The following NRG3 variants were observed in gnomAD, a reference collection of about 807,000 sequenced individuals.
The protein encoded by NRG3 is pro-neuregulin-3, membrane-bound isoform.
Under a neutral mutation model 66.9 loss-of-function variants are expected in NRG3, and 31 were observed. The ratio of observed to expected loss-of-function variants is 0.46; its 90% CI spans 0.35 to 0.63. The LOEUF (loss-of-function observed/expected upper bound fraction) is 0.63, where lower values mean the gene tolerates loss of function less well. Ranked by LOEUF, NRG3 falls within the 20% of genes least tolerant of loss-of-function variation. The probability of loss-of-function intolerance (pLI) is 0.00; values close to 1 mark genes in which losing one functional copy is unlikely to be tolerated. For missense variants in NRG3, 910 were observed against 878.9 expected (o/e 1.04, Z -0.45); for synonymous variants, 393 against 359.4 (o/e 1.09, Z -1.06).
At chr10:82,460,657 G>A (rs2091470504) in intron 2 of NRG3, among the ~76,000 whole-genome samples, 1 of 152,106 alleles carries the variant, frequency 6.6e-6, no homozygotes, top group South Asian at 2.1e-4. Context: ...CAGGGTTATG[G>A]CAGTGCAGGG....
chr10:82,070,812 A>G (rs2064765372), intron 1 of NRG3, among the ~76,000 whole-genome samples: 1 of 152,204 alleles, frequency 6.6e-6, no homozygotes, highest in Non-Finnish European at 1.5e-5. Context: ...TCAAATTAAT[A>G]TATTTTTACA....
chr10:82,218,234 C>G (rs1172421942), intron 1 of NRG3, among the ~76,000 whole-genome samples: 1 of 152,066 alleles, frequency 6.6e-6, no homozygotes, highest in Non-Finnish European at 1.5e-5. Flanking sequence ...TAGGTTATGT[C>G]CCATACAAAT....
intron 3 of NRG3, among the ~76,000 whole-genome samples, chr10:82,757,396 T>C (rs146843710): frequency 2.4e-3 from 360 of 152,108 alleles, no homozygotes; most frequent in African/African-American, 8.1e-3. Flanking sequence ...GGTAATTCAG[T>C]AGAGAATGAT....
intron 1 of NRG3, among the ~76,000 whole-genome samples, chr10:82,037,381 G>C (rs1198785273): frequency 6.6e-6 from 1 of 152,110 alleles, no homozygotes; most frequent in Admixed American, 6.6e-5. Context: ...ATGGCACTAG[G>C]GCCAAAGGCA....
chr10:82,604,001 G>C (rs1264352977), intron 2 of NRG3, among the ~76,000 whole-genome samples: 1 of 152,058 alleles, frequency 6.6e-6, no homozygotes, highest in Non-Finnish European at 1.5e-5. Context: ...TTAACAACTT[G>C]TATTAGTGTG....
At chr10:82,848,295 A>T (rs1371220666) in intron 3 of NRG3, among the ~76,000 whole-genome samples, 2 of 152,218 alleles carry the variant, frequency 1.3e-5, no homozygotes, top group Non-Finnish European at 2.9e-5. Flanking sequence ...GCATCAAGGT[A>T]ACCCAGATGT....
chr10:81,967,735 G>A (rs1237099218), intron 1 of NRG3, among the ~76,000 whole-genome samples: 1 of 151,878 alleles, frequency 6.6e-6, no homozygotes, highest in East Asian at 1.9e-4. Flanking sequence ...ATAGTGTTTG[G>A]GTAGAAGAAT....
chr10:82,966,615 T>C (rs1851230643), intron 6 of NRG3, among the ~76,000 whole-genome samples: 1 of 152,330 alleles, frequency 6.6e-6, no homozygotes. Context: ...GAAGTGATTA[T>C]GCATAGCCCA....
chr10:82,595,475 C>T (rs1176739465), intron 2 of NRG3, among the ~76,000 whole-genome samples: 1 of 152,058 alleles, frequency 6.6e-6, no homozygotes, highest in Non-Finnish European at 1.5e-5. Context: ...AACAGAGTTG[C>T]ACAACATAGC....
At chr10:82,817,743 G>A (rs1453723977) in intron 3 of NRG3, among the ~76,000 whole-genome samples, 1 of 152,220 alleles carries the variant, frequency 6.6e-6, no homozygotes, top group African/African-American at 2.4e-5. Flanking sequence ...TTTCCCTGGG[G>A]AGTTCTCTAC....
At chr10:82,578,218 A>G (rs2046145790) in intron 2 of NRG3, among the ~76,000 whole-genome samples, 1 of 151,082 alleles carries the variant, frequency 6.6e-6, no homozygotes, top group South Asian at 2.1e-4. Context: ...ATTTAGAATA[A>G]AAAATGTTAA....
chr10:81,982,549 G>A (rs1311692516), intron 1 of NRG3, among the ~76,000 whole-genome samples: 3 of 152,176 alleles, frequency 2.0e-5, no homozygotes, highest in African/African-American at 7.2e-5. Flanking sequence ...CAACAAAAAT[G>A]TATTTTCTCA....
At chr10:82,865,993 G>C (rs1478233907) in intron 4 of NRG3, among the ~76,000 whole-genome samples, 1 of 152,160 alleles carries the variant, frequency 6.6e-6, no homozygotes, top group Non-Finnish European at 1.5e-5. Flanking sequence ...AGTGAATGGT[G>C]TATGTTTCAA....
At chr10:82,210,596 A>G (rs2075348580) in intron 1 of NRG3, among the ~76,000 whole-genome samples, 1 of 152,138 alleles carries the variant, frequency 6.6e-6, no homozygotes, top group Non-Finnish European at 1.5e-5. Context: ...ATGCAGTACT[A>G]ATTTTGACTC....
At chr10:82,784,972 T>C (rs2060284139) in intron 3 of NRG3, among the ~76,000 whole-genome samples, 1 of 152,064 alleles carries the variant, frequency 6.6e-6, no homozygotes, top group Admixed American at 6.6e-5. Context: ...CCGACAATGG[T>C]AGACTGGATT....
chr10:82,626,702 C>T lies in NRG3; in HGVS notation c.954-111875C>T, dbSNP rs151179318. Among the ~76,000 whole-genome samples the T allele has an allele frequency of 1.6e-4, 25 of 152,254 alleles. No individual in the cohort carries two copies. In the East Asian group the frequency reaches 4.8e-3, roughly 29 times the overall value. On this transcript the variant is annotated intron_variant, in intron 2 of 8. Transcript: ENST00000372141. ...CCATTTCCACACCCTGCAACATACA[C>T]ACAGAATAACTTTTAGGTCCATTTA...
intron 1 of NRG3, among the ~76,000 whole-genome samples, chr10:81,961,190 ACAT>A (rs1197777401): frequency 1.3e-5 from 2 of 152,216 alleles, no homozygotes; most frequent in Non-Finnish European, 2.9e-5. Flanking sequence ...AATTTAATAC[ACAT>A]CATGAATAAT....
At chr10:82,799,303 G>A (rs754331185) in intron 3 of NRG3, among the ~76,000 whole-genome samples, 3 of 151,976 alleles carry the variant, frequency 2.0e-5, no homozygotes, top group Non-Finnish European at 2.9e-5. Flanking sequence ...CAAGGCGGGC[G>A]GATCACCGAA....
chr10:82,410,321 A>G, intron 2 of NRG3, among the ~76,000 whole-genome samples: 1 of 151,976 alleles, frequency 6.6e-6, no homozygotes, highest in Non-Finnish European at 1.5e-5. Flanking sequence ...CCATTTCTTA[A>G]TGAAGGCATT....
Sources: allele counts gnomAD v4.1 joint callset (sites outside exome capture counted in the v4.1 genomes callset), GRCh38; gene constraint gnomAD v4.1.1; transcripts MANE v1.5; gene names NCBI Gene and HGNC (gene_info 2026-07-23, HGNC 2026-07-21).